SERGEF: variants seen among roughly 807,000 people sequenced by gnomAD.
SERGEF encodes the protein secretion-regulating guanine nucleotide exchange factor.
SERGEF carries 51 observed loss-of-function variants against 50.0 expected under a neutral mutation model. That is an observed-to-expected ratio of 1.02 (90% CI 0.81 to 1.29). The LOEUF (loss-of-function observed/expected upper bound fraction) is 1.29, where lower values mean the gene tolerates loss of function less well. Among genes scored for constraint, SERGEF ranks in the 50% most tolerant of loss-of-function variants. SERGEF has a pLI of 0.00. For missense variants in SERGEF, 521 were observed against 557.0 expected (o/e 0.94, Z 0.65); for synonymous variants, 205 against 212.4 (o/e 0.97, Z 0.30).
At chr11:17,904,652 A>G (rs1048423781) in intron 9 of SERGEF, among the ~76,000 whole-genome samples, 5 of 152,242 alleles carry the variant, frequency 3.3e-5, no homozygotes, top group Admixed American at 1.3e-4. Context: ...CTCCCTAGGT[A>G]TCAAGAAGCA....
At chr11:17,875,856 A>G (rs1442468293) in intron 10 of SERGEF, among the ~76,000 whole-genome samples, 1 of 152,192 alleles carries the variant, frequency 6.6e-6, no homozygotes, top group East Asian at 1.9e-4. Context: ...TGTGCCTTTT[A>G]CATGTGGGAC....
At chr11:17,913,467 G>A (rs573098379) in intron 9 of SERGEF, among the ~76,000 whole-genome samples, 1 of 152,350 alleles carries the variant, frequency 6.6e-6, no homozygotes, top group South Asian at 2.1e-4. Flanking sequence ...TCCAGACACT[G>A]GTAGAGCTGA....
intron 9 of SERGEF, among the ~76,000 whole-genome samples, chr11:17,925,080 C>T (rs1038066672): frequency 3.3e-5 from 5 of 151,942 alleles, no homozygotes; most frequent in African/African-American, 1.2e-4. Context: ...GTTTTTTAAG[C>T]CATTTACAGG....
In SERGEF at chr11:17,824,379, G is replaced by A. The variant is rs118015065; in HGVS notation, c.1049-35966C>T. Among the ~76,000 whole-genome samples the A allele has an allele frequency of 1.7e-3, 264 of 152,166 alleles. 1 individual carries two copies. The East Asian group carries it at 0.018, about 10-fold the overall frequency. On this transcript the variant is annotated intron_variant, in intron 10 of 10. Transcript: ENST00000265965. ...ATTGCTAGCAGCCATCTTGGACCTTGAGAAAATCTTGAAGACAAAGGCCTA... is the reference window on the plus strand; with the variant it reads ...ATTGCTAGCAGCCATCTTGGACCTTAAGAAAATCTTGAAGACAAAGGCCTA...
rs767345689 is a variant in SERGEF at position 17,788,240 on chromosome 11, A to G, written c.1222T>C (p.Leu408=). The G allele has an allele frequency of 1.2e-5, 20 of 1,613,902 alleles. No individual in the cohort carries two copies. The highest frequency in any genetic ancestry group is 1.7e-5 in the Non-Finnish European group (20 of 1,179,892). The change falls in exon 11 of 11, where the codon TTG becomes CTG. Residue 408 remains leucine, a synonymous_variant. Coordinates refer to ENST00000265965, the MANE Select transcript of SERGEF (RefSeq NM_012139.4). ...TAGGTGACCTTGGGGTCCTGGACCA[A>G]TGCAGGGTGAGCTGGCAGCTGGCAG... ...ALCQLPAHPA[L]VQDPKVTYLS... is the part of the protein sequence containing the mutation.
At chr11:17,944,997 C>T (rs966402098) in intron 9 of SERGEF, among the ~76,000 whole-genome samples, 2 of 152,154 alleles carry the variant, frequency 1.3e-5, no homozygotes, top group Non-Finnish European at 2.9e-5. Flanking sequence ...GATAAGAAAA[C>T]TAGAGGAAAC....
At chr11:18,001,367 G>A (rs1467965378) in intron 4 of SERGEF, among the ~76,000 whole-genome samples, 3 of 152,190 alleles carry the variant, frequency 2.0e-5, no homozygotes, top group Admixed American at 6.5e-5. Context: ...GAGTGACTCA[G>A]AGTCTAGGCG....
At chr11:17,918,130 C>T (rs1372780920) in intron 9 of SERGEF, among the ~76,000 whole-genome samples, 2 of 152,128 alleles carry the variant, frequency 1.3e-5, no homozygotes, top group Non-Finnish European at 2.9e-5. Flanking sequence ...CTCTGTATGA[C>T]CCGAAGTCTG....
rs78944523 is a variant in SERGEF at position 17,816,526 on chromosome 11, T to C, written c.1049-28113A>G. The stretch of plus-strand genomic sequence containing the variant: ...AGTTTCCACTTGGTCACTATCTTGC[T>C]TATTGCCTCAAAGGCATGGCCTCCC... On this transcript the variant is annotated intron_variant, in intron 10 of 10. Coordinates refer to ENST00000265965, the MANE Select transcript of SERGEF (RefSeq NM_012139.4). Among the ~76,000 whole-genome samples, 1,081 of 152,352 alleles carry C rather than the reference T, an allele frequency of 7.1e-3. 7 individuals are homozygous for C. The highest frequency in any genetic ancestry group is 0.012 in the Non-Finnish European group (783 of 68,028).
intron 9 of SERGEF, among the ~76,000 whole-genome samples, chr11:17,929,293 T>C (rs953999693): frequency 3.9e-5 from 6 of 152,166 alleles, no homozygotes; most frequent in African/African-American, 7.2e-5. Context: ...GAGGAAAAAA[T>C]CAAATCACTG....
intron 10 of SERGEF, among the ~76,000 whole-genome samples, chr11:17,794,921 G>A (rs1281500343): frequency 6.6e-6 from 1 of 152,252 alleles, no homozygotes; most frequent in East Asian, 1.9e-4. Context: ...ACTGTGCAGA[G>A]GAGCAGAAAT....
At chr11:17,871,178 C>T (rs927156610) in intron 10 of SERGEF, among the ~76,000 whole-genome samples, 4 of 152,076 alleles carry the variant, frequency 2.6e-5, no homozygotes, top group African/African-American at 9.7e-5. Flanking sequence ...ATAAACTGGA[C>T]TTCATTAAAA....
intron 9 of SERGEF, among the ~76,000 whole-genome samples, chr11:17,914,850 C>T (rs1039327993): frequency 1.3e-5 from 2 of 152,102 alleles, no homozygotes; most frequent in African/African-American, 4.8e-5. Context: ...TAGTGATCAA[C>T]ACAAAGGGCC....
At chr11:17,877,181 T>G (rs573536809) in intron 10 of SERGEF, among the ~76,000 whole-genome samples, 1 of 152,294 alleles carries the variant, frequency 6.6e-6, no homozygotes, top group East Asian at 1.9e-4. Context: ...TGGTAGAAGT[T>G]CAAAGTTAGA....
At position 17,995,863 on chromosome 11, in the gene SERGEF, T is replaced by C. The variant is rs761093861; in HGVS notation, c.555A>G (p.Gly185=). Residue 185 remains glycine (G), a synonymous_variant, in exon 6 of 11, where the codon GGA becomes GGG. Coordinates refer to ENST00000265965, the MANE Select transcript of SERGEF (RefSeq NM_012139.4). ...GAGTCTGCCCAGGGCACAACCGTCG[T>C]CCACATGATGCCAAACCAGTCCCCC... is the stretch of plus-strand genomic sequence containing the variant. The part of the protein sequence containing the change: ...FQWGTGLASC[G]RRLCPGQTLP... 2.5e-6 allele frequency: 4 copies of C among 1,614,020 alleles called. No homozygotes were observed. Among genetic ancestry groups the C allele is most frequent in the South Asian group, 2.2e-5 (2 of 91,050 alleles).
In SERGEF at chr11:17,817,308, G is replaced by A. The variant is rs183723938; in HGVS notation, c.1049-28895C>T. On this transcript the variant is annotated intron_variant, in intron 10 of 10. Coordinates refer to ENST00000265965, the MANE Select transcript of SERGEF (RefSeq NM_012139.4). ...TGGCTCACTGCAAGTTCCGCCTCCCGGGTTCATGCCATTCTCCTGCCTCAG... is the reference window on the plus strand; with the variant it reads ...TGGCTCACTGCAAGTTCCGCCTCCCAGGTTCATGCCATTCTCCTGCCTCAG... Among the ~76,000 whole-genome samples the A allele has an allele frequency of 3.7e-3, 563 of 151,236 alleles. 4 individuals carry two copies. The highest frequency in any genetic ancestry group is 6.8e-3 in the Middle Eastern group (2 of 292).
intron 9 of SERGEF, among the ~76,000 whole-genome samples, chr11:17,927,607 C>T (rs10766445): frequency 0.97 from 148,428 of 152,312 alleles, 72,451 homozygotes; most frequent in Non-Finnish European, 1. Flanking sequence ...TTTCTGTGTC[C>T]TCCTTTGTAA....
chr11:17,827,039 T>A (rs1314846681), intron 10 of SERGEF, among the ~76,000 whole-genome samples: 1 of 152,208 alleles, frequency 6.6e-6, no homozygotes, highest in Non-Finnish European at 1.5e-5. Context: ...ATTAAATAGA[T>A]GCCTGGATTT....
chr11:17,981,808 T>C (rs1336574158), intron 8 of SERGEF, among the ~76,000 whole-genome samples: 1 of 152,098 alleles, frequency 6.6e-6, no homozygotes, highest in Non-Finnish European at 1.5e-5. Context: ...AACTTCTTTT[T>C]TTTTCTCTTT....
Sources: allele counts gnomAD v4.1 joint callset (sites outside exome capture counted in the v4.1 genomes callset), GRCh38; gene constraint gnomAD v4.1.1; transcripts MANE v1.5; gene names NCBI Gene and HGNC (gene_info 2026-07-23, HGNC 2026-07-21).